Variants in SORCS3 observed in about 807,000 individuals in gnomAD.
SORCS3 encodes sortilin related VPS10 domain containing receptor 3.
In SORCS3, 57 loss-of-function variants were observed where a neutral mutation model predicts 146.3. The observed-to-expected ratio is 0.39, with a 90% CI of 0.31 to 0.49. SORCS3 has a LOEUF of 0.49. Ranked by LOEUF, SORCS3 falls within the 20% of genes least tolerant of loss-of-function variation. SORCS3 has a pLI of 0.92. For missense variants in SORCS3, 1,341 were observed against 1,575.5 expected (o/e 0.85, Z 2.52); for synonymous variants, 653 against 618.5 (o/e 1.06, Z -0.83).
chr10:104,983,824 C>T (rs141346275), intron 4 of SORCS3, among the ~76,000 whole-genome samples: 1 of 152,146 alleles, frequency 6.6e-6, no homozygotes, highest in East Asian at 1.9e-4. Context: ...TATGCTCCCT[C>T]CATTCTCTGC....
At chr10:105,242,677 T>TTTATATAC (rs2056838863) in intron 20 of SORCS3, among the ~76,000 whole-genome samples, 1 of 92,208 alleles carries the variant, frequency 1.1e-5, no homozygotes, top group Admixed American at 1.6e-4. Context: ...TATTTATATA[T>TTTATATAC]ATTTATATAC....
At chr10:104,816,125 A>G (rs1240143740) in intron 1 of SORCS3, among the ~76,000 whole-genome samples, 2 of 152,224 alleles carry the variant, frequency 1.3e-5, no homozygotes, top group African/African-American at 2.4e-5. Context: ...TAGCAGGTTA[A>G]TGGGCATAAA....
In SORCS3 at chr10:104,696,466, T is replaced by TATATATAATATATA. The variant is rs1265243393; in HGVS notation, c.627+54517_627+54518insTAATATATAATATA. On this transcript the variant is annotated intron_variant, in intron 1 of 26. Coordinates refer to ENST00000369701, the MANE Select transcript of SORCS3 (RefSeq NM_014978.3). Reference sequence around the variant, plus strand: ...AATATATAGAATATAGAATATATAATATATAGAATATAGAATATATAATAT... The same window carrying TATATATAATATATA: ...AATATATAGAATATAGAATATATAATATATATAATATATAATATAGAATATAGAATATATAATAT... 2.1e-4 allele frequency among the ~76,000 whole-genome samples: 13 copies of TATATATAATATATA among 60,992 alleles called. 1 individual carries two copies. The highest frequency in any genetic ancestry group is 7.2e-4 in the African/African-American group (13 of 18,150). 40.0% of individuals were successfully genotyped at this position (60,992 alleles called of 152,430 possible).
intron 1 of SORCS3, among the ~76,000 whole-genome samples, chr10:104,719,787 G>A (rs1775543877): frequency 6.6e-6 from 1 of 152,130 alleles, no homozygotes; most frequent in African/African-American, 2.4e-5. Context: ...TTGCCAGCAG[G>A]AAACCATGAG....
chr10:105,182,681 TTTG>T (rs1564778297), intron 14 of SORCS3, among the ~76,000 whole-genome samples: 1 of 151,838 alleles, frequency 6.6e-6, no homozygotes, highest in Admixed American at 6.6e-5. Context: ...ATAAATGTGT[TTTG>T]TTGTTGTTGT....
At chr10:104,733,810 G>A (rs555360940) in intron 1 of SORCS3, among the ~76,000 whole-genome samples, 2 of 152,228 alleles carry the variant, frequency 1.3e-5, no homozygotes, top group East Asian at 3.9e-4. Context: ...AAGGCCAGGA[G>A]CCCTCTTGTT....
intron 5 of SORCS3, among the ~76,000 whole-genome samples, chr10:105,059,290 A>G (rs2055467025): frequency 6.6e-6 from 1 of 152,202 alleles, no homozygotes; most frequent in Non-Finnish European, 1.5e-5. Context: ...ACCTCCAGGC[A>G]TCTTTTCAAA....
chr10:105,075,665 GCAGAA>G (rs1211963171), intron 5 of SORCS3, among the ~76,000 whole-genome samples: 14 of 152,152 alleles, frequency 9.2e-5, no homozygotes, highest in Admixed American at 6.5e-5. Flanking sequence ...AAGGGGTGGA[GCAGAA>G]CAGGAGGCTT....
intron 1 of SORCS3, among the ~76,000 whole-genome samples, chr10:104,745,657 A>G (rs956432007): frequency 7.2e-5 from 11 of 152,340 alleles, no homozygotes; most frequent in African/African-American, 2.4e-4. Context: ...CACAGGCACT[A>G]TGCTGCGCTG....
chr10:104,651,063 G>T (rs910570823), intron 1 of SORCS3, among the ~76,000 whole-genome samples: 1 of 152,196 alleles, frequency 6.6e-6, no homozygotes, highest in African/African-American at 2.4e-5. Context: ...ACATAGTGGG[G>T]GAACTTGTCT....
intron 1 of SORCS3, among the ~76,000 whole-genome samples, chr10:104,774,585 C>G (rs970053): frequency 0.8 from 120,745 of 151,776 alleles, 48,328 homozygotes; most frequent in East Asian, 0.94. Flanking sequence ...GTGGCCATGA[C>G]TCCCAATTAC....
chr10:104,884,737 AG>A (rs370897211), intron 2 of SORCS3, among the ~76,000 whole-genome samples: 50 of 152,254 alleles, frequency 3.3e-4, no homozygotes, highest in African/African-American at 1.2e-3. Context: ...GGAAAAAAAA[AG>A]ACATTTCTAA....
rs765886517 is a variant in SORCS3 at position 105,223,089 on chromosome 10, A to G, written c.2735-27A>G. On this transcript the variant is annotated intron_variant, in intron 19 of 26. Coordinates refer to ENST00000369701, the MANE Select transcript of SORCS3 (RefSeq NM_014978.3). ...GTTTGACCACATCCAGAATATAAAC[A>G]CTGACTTTTTTTTTCTGTTTCCTTA... 2.1e-5 allele frequency: 33 copies of G among 1,581,878 alleles called. No homozygotes were observed. In the East Asian group the frequency reaches 6.6e-4, roughly 31 times the overall value.
intron 1 of SORCS3, among the ~76,000 whole-genome samples, chr10:104,766,094 C>T (rs749063200): frequency 4.6e-5 from 7 of 152,216 alleles, no homozygotes; most frequent in African/African-American, 9.6e-5. Flanking sequence ...TGGCATTATT[C>T]TGCTGCATTC....
At chr10:105,081,170 A>T (rs1173785279) in intron 5 of SORCS3, among the ~76,000 whole-genome samples, 4 of 152,218 alleles carry the variant, frequency 2.6e-5, no homozygotes, top group Non-Finnish European at 5.9e-5. Flanking sequence ...TAATCAGTTT[A>T]TAAAGCATTC....
chr10:104,679,261 G>T (rs1717261093), intron 1 of SORCS3, among the ~76,000 whole-genome samples: 1 of 152,160 alleles, frequency 6.6e-6, no homozygotes, highest in African/African-American at 2.4e-5. Context: ...GAGAACTGGG[G>T]TCTCTTTCTT....
At chr10:104,928,979 G>C (rs1525384) in intron 3 of SORCS3, among the ~76,000 whole-genome samples, 42,674 of 152,094 alleles carry the variant, frequency 0.28, 7,883 homozygotes, top group African/African-American at 0.53. Flanking sequence ...AGAAGTGTGA[G>C]AAATGCATGT....
intron 1 of SORCS3, among the ~76,000 whole-genome samples, chr10:104,712,080 C>T (rs1467113397): frequency 6.6e-6 from 1 of 152,138 alleles, no homozygotes; most frequent in African/African-American, 2.4e-5. Context: ...GTGATTCTTC[C>T]AGATAATAAC....
At chr10:104,782,136 A>G (rs1346622073) in intron 1 of SORCS3, among the ~76,000 whole-genome samples, 2 of 152,184 alleles carry the variant, frequency 1.3e-5, no homozygotes, top group Non-Finnish European at 2.9e-5. Flanking sequence ...GATCATTTGT[A>G]TTACCGGTTC....
Sources: allele counts gnomAD v4.1 joint callset (sites outside exome capture counted in the v4.1 genomes callset), GRCh38; gene constraint gnomAD v4.1.1; transcripts MANE v1.5; gene names NCBI Gene and HGNC (gene_info 2026-07-23, HGNC 2026-07-21).